The following STAG1 variants were observed in gnomAD, a reference collection of about 807,000 sequenced individuals.
STAG1 encodes STAG1 cohesin complex component.
In STAG1, 26 loss-of-function variants were observed where a neutral mutation model predicts 170.9. That is an observed-to-expected ratio of 0.15 (90% CI 0.11 to 0.21). The LOEUF (loss-of-function observed/expected upper bound fraction) is 0.21. STAG1 is among the 10% of genes least tolerant of loss of function. The probability of loss-of-function intolerance (pLI) is 1.00; values close to 1 mark genes in which losing one functional copy is unlikely to be tolerated. For missense variants in STAG1, 964 were observed against 1,509.5 expected, an observed-to-expected ratio of 0.64 and a Z score of 5.99; for synonymous variants, 514 against 497.7, an observed-to-expected ratio of 1.03 and a Z score of -0.44.
intron 4 of STAG1, among the ~76,000 whole-genome samples, chr3:136,584,315 C>A (rs539374274): frequency 6.6e-6 from 1 of 152,284 alleles, no homozygotes; most frequent in Admixed American, 6.5e-5. Flanking sequence ...CTCCTTGGCC[C>A]TTATCTAAAA....
chr3:136,530,961 T>C (rs1258815524), intron 6 of STAG1, among the ~76,000 whole-genome samples: 2 of 151,874 alleles, frequency 1.3e-5, no homozygotes, highest in African/African-American at 4.8e-5. Flanking sequence ...AAAAATTAGC[T>C]GGGTGTGGTC....
intron 1 of STAG1, among the ~76,000 whole-genome samples, chr3:136,739,306 C>T (rs1172998923): frequency 6.6e-6 from 1 of 151,808 alleles, no homozygotes. Flanking sequence ...CTGTTGAGCC[C>T]AGGAGTTCAA....
At chr3:136,488,648 C>T (rs2090063012) in intron 9 of STAG1, among the ~76,000 whole-genome samples, 1 of 152,184 alleles carries the variant, frequency 6.6e-6, no homozygotes, top group Admixed American at 6.5e-5. Flanking sequence ...TGATTACCTA[C>T]ACTGATTATT....
intron 12 of STAG1, among the ~76,000 whole-genome samples, chr3:136,466,052 G>A (rs544341154): frequency 9.9e-5 from 15 of 152,194 alleles, no homozygotes; most frequent in Admixed American, 9.8e-4. Flanking sequence ...CAAAGATGGG[G>A]AAAAACTGAG....
At chr3:136,518,383 C>A (rs1269459406) in intron 7 of STAG1, 2 of 699,970 alleles carry the variant, frequency 2.9e-6, no homozygotes, top group South Asian at 3.0e-5. Context: ...ATTAAATGTT[C>A]CTGCCCATTT....
chr3:136,524,554 G>C (rs1000769150), intron 6 of STAG1, among the ~76,000 whole-genome samples: 7 of 152,176 alleles, frequency 4.6e-5, no homozygotes, highest in African/African-American at 1.7e-4. Flanking sequence ...GGGACAATTT[G>C]ACTTCCTCTT....
chr3:136,371,963 C>T (rs541000284), intron 23 of STAG1, among the ~76,000 whole-genome samples: 13 of 152,210 alleles, frequency 8.5e-5, no homozygotes, highest in African/African-American at 2.2e-4. Context: ...GCCATTTTCA[C>T]GATATTGATT....
Position 136,581,939 on chromosome 3 carries a change from C to T in STAG1, c.298-13078G>A, listed in dbSNP as rs140701487. Among the ~76,000 whole-genome samples, 1,181 of 152,212 alleles carry T rather than the reference C, an allele frequency of 7.8e-3. 5 individuals carry two copies. Among genetic ancestry groups the T allele is most frequent in the Middle Eastern group, 0.037 (11 of 294 alleles). On this transcript the variant is annotated intron_variant, in intron 4 of 33. Transcript: ENST00000383202. Reference sequence around the variant, plus strand: ...GGAACCAAAATCTTAAAAATTATGACTATGTGTGATACTTTCTTCTCTTCC... The same window carrying T: ...GGAACCAAAATCTTAAAAATTATGATTATGTGTGATACTTTCTTCTCTTCC...
chr3:136,664,422 A>T (rs1184542760), intron 1 of STAG1, among the ~76,000 whole-genome samples: 1 of 152,202 alleles, frequency 6.6e-6, no homozygotes, highest in African/African-American at 2.4e-5. Context: ...GCAGCTCTTC[A>T]GACACTAAAG....
chr3:136,422,506 T>C lies in STAG1; in HGVS notation c.1941A>G (p.Glu647=). 6.2e-7 allele frequency: 1 copy of C among 1,614,100 alleles called. No individual in the cohort carries two copies. The highest frequency in any genetic ancestry group is 1.3e-5 in the African/African-American group (1 of 75,060). Reference sequence around the variant, plus strand: ...TGTCAACTCTGTTCTGGATGGTATATTCTTCACTGCATAAGATACTATAGG... The same window carrying C: ...TGTCAACTCTGTTCTGGATGGTATACTCTTCACTGCATAAGATACTATAGG... ...SKTYSILCSE[E]YTIQNRVDIA... The change falls in exon 19 of 34, where the codon GAA becomes GAG. Residue 647 remains glutamate (E), a synonymous_variant. Coordinates refer to ENST00000383202, the MANE Select transcript of STAG1 (RefSeq NM_005862.3).
intron 14 of STAG1, among the ~76,000 whole-genome samples, 157 bp from the exon 15 acceptor site, chr3:136,443,561 T>C (rs1366585240): frequency 1.3e-5 from 2 of 152,218 alleles, no homozygotes; most frequent in South Asian, 2.1e-4. Flanking sequence ...CACATTCCAC[T>C]GTCAATAGTG....
intron 1 of STAG1, among the ~76,000 whole-genome samples, chr3:136,667,211 T>C (rs1294652541): frequency 2.0e-5 from 3 of 152,180 alleles, no homozygotes; most frequent in Non-Finnish European, 4.4e-5. Context: ...GAATGTTAGA[T>C]ATACTAATTC....
intron 7 of STAG1, among the ~76,000 whole-genome samples, chr3:136,511,186 G>GT (rs1222367494): frequency 1.3e-5 from 2 of 152,180 alleles, no homozygotes; most frequent in Non-Finnish European, 2.9e-5. Flanking sequence ...ATGATTGTAA[G>GT]TTTCCTGAGG....
At chr3:136,526,234 T>G (rs1419127244) in intron 6 of STAG1, among the ~76,000 whole-genome samples, 1 of 152,180 alleles carries the variant, frequency 6.6e-6, no homozygotes, top group African/African-American at 2.4e-5. Context: ...GGAGTCTAAA[T>G]CTCTTGTAGG....
chr3:136,619,756 C>CAAAA (rs62857261), intron 3 of STAG1, among the ~76,000 whole-genome samples: 782 of 67,538 alleles, frequency 0.012, 30 homozygotes, highest in Middle Eastern at 0.031. Context: ...GACTCTGTCT[C>CAAAA]AAAAAAAAAA....
intron 21 of STAG1, among the ~76,000 whole-genome samples, chr3:136,401,524 A>G (rs1348339401): frequency 6.6e-6 from 1 of 152,158 alleles, no homozygotes; most frequent in Non-Finnish European, 1.5e-5. Flanking sequence ...CATTTCTACC[A>G]ACACTTGATA....
intron 4 of STAG1, among the ~76,000 whole-genome samples, chr3:136,597,791 C>CTT (rs563740075): frequency 6.3e-5 from 9 of 143,788 alleles, no homozygotes; most frequent in Admixed American, 3.5e-4. Flanking sequence ...TATAGCTCTT[C>CTT]TTTTTTTTTT....
At chr3:136,546,141 C>T (rs758385048) in intron 5 of STAG1, among the ~76,000 whole-genome samples, 1 of 152,126 alleles carries the variant, frequency 6.6e-6, no homozygotes, top group Non-Finnish European at 1.5e-5. Flanking sequence ...TAGAACTGTT[C>T]AAAGATGTCC....
At chr3:136,524,988 T>C (rs1298869027) in intron 6 of STAG1, among the ~76,000 whole-genome samples, 1 of 152,198 alleles carries the variant, frequency 6.6e-6, no homozygotes, top group Non-Finnish European at 1.5e-5. Flanking sequence ...GCTGCCAGAT[T>C]CAGTTTGCCG....
Sources: gnomAD v4.1 joint callset for allele counts (sites outside exome capture counted in the v4.1 genomes callset) on GRCh38, gnomAD v4.1.1 for gene constraint, MANE v1.5 for transcripts, NCBI Gene and HGNC (gene_info 2026-07-23, HGNC 2026-07-21) for gene names.